Variants in XPOT observed in about 807,000 individuals in gnomAD.
The protein encoded by XPOT is exportin-T.
In XPOT, 34 loss-of-function variants were observed where a neutral mutation model predicts 128.2. That is an observed-to-expected ratio of 0.27 (90% CI 0.20 to 0.35). XPOT has a LOEUF of 0.35. XPOT is among the 10% of genes least tolerant of loss of function. XPOT has a pLI of 1.00. For synonymous variants in XPOT, 348 were observed against 394.3 expected (o/e 0.88, Z 1.39); for missense variants, 838 against 1,125.3 (o/e 0.74, Z 3.65).
intron 12 of XPOT, 67 bp from the exon 13 acceptor site, chr12:64,424,971 C>T: frequency 1.3e-6 from 2 of 1,584,704 alleles, no homozygotes; most frequent in Non-Finnish European, 1.7e-6. Flanking sequence ...TGGTGTCTTA[C>T]CCTGTGCATA....
chr12:64,426,037 G>A (rs1475585996), intron 15 of XPOT, 128 bp downstream of exon 15: 12 of 830,818 alleles, frequency 1.4e-5, no homozygotes, highest in Non-Finnish European at 1.9e-5. Context: ...GAAAATGTAG[G>A]CCAGGTATGG....
At chr12:64,446,182 CCTCA>C (rs1460511525) in intron 24 of XPOT, among the ~76,000 whole-genome samples, 1 of 152,176 alleles carries the variant, frequency 6.6e-6, no homozygotes, top group Non-Finnish European at 1.5e-5. Flanking sequence ...AGGACTCAGT[CCTCA>C]CTATCTGTTA....
chr12:64,422,661 G>GT (rs1311936049), intron 9 of XPOT, among the ~76,000 whole-genome samples: 1 of 152,202 alleles, frequency 6.6e-6, no homozygotes. Context: ...CACTTGGTAA[G>GT]GCTGAGGCGG....
chr12:64,422,943 A>AT (rs2136021538), intron 9 of XPOT, 62 bp from the exon 10 acceptor site: 17 of 1,519,998 alleles, frequency 1.1e-5, no homozygotes, highest in Non-Finnish European at 1.5e-5. Context: ...GATTCGAAAA[A>AT]TGTTCTGATA....
In XPOT at chr12:64,420,135, A is replaced by C; in HGVS notation, c.555A>C (p.Glu185Asp). ...MREQCIPNLV[E>D]SWYQILQNYQ... ...AACAGTGCATTCCAAATCTGGTGGA[A>C]TCATGGTACCAAATATTACAAAATT... Residue 185 changes from glutamate to aspartate, a missense_variant, in exon 7 of 25, where the codon GAA becomes GAC. Around this residue, in one of 3 missense-constraint regions of XPOT, gnomAD observed 761 missense variants for 988.3 expected, o/e 0.77. Coordinates refer to ENST00000332707, the MANE Select transcript of XPOT (RefSeq NM_007235.6). 1 of 1,610,976 alleles carries C rather than the reference A, an allele frequency of 6.2e-7. No homozygotes were observed. Among genetic ancestry groups the C allele is most frequent in the Non-Finnish European group, 8.5e-7 (1 of 1,178,948 alleles).
chr12:64,443,837 C>T (rs2040346619), intron 23 of XPOT, among the ~76,000 whole-genome samples: 1 of 152,076 alleles, frequency 6.6e-6, no homozygotes, highest in Non-Finnish European at 1.5e-5. Context: ...ATGAATTTAA[C>T]TCATTTTTAA....
chr12:64,417,054 A>G (rs913728815), intron 4 of XPOT, among the ~76,000 whole-genome samples: 6 of 152,020 alleles, frequency 3.9e-5, no homozygotes, highest in African/African-American at 1.2e-4. Flanking sequence ...CCGTCTCTAC[A>G]AAAAATACAG....
At chr12:64,422,487 A>G (rs1214798963) in intron 9 of XPOT, among the ~76,000 whole-genome samples, 2 of 152,284 alleles carry the variant, frequency 1.3e-5, no homozygotes, top group East Asian at 3.9e-4. Flanking sequence ...CTTTGTCTAC[A>G]TGTCAAGTTA....
chr12:64,411,239 G>T (rs991086472), intron 2 of XPOT, among the ~76,000 whole-genome samples: 3 of 152,202 alleles, frequency 2.0e-5, no homozygotes, highest in African/African-American at 7.2e-5. Context: ...AGGGTTTTAT[G>T]CTACCTACCT....
intron 1 of XPOT, among the ~76,000 whole-genome samples, chr12:64,406,633 T>C (rs999217657): frequency 3.4e-4 from 50 of 148,598 alleles, no homozygotes; most frequent in African/African-American, 1.2e-3. Flanking sequence ...CCCTCGGCCT[T>C]CCTTAGTGCT....
rs1592334041 is a variant in XPOT at position 64,427,957 on chromosome 12, C to A, written c.1668-94C>A. 3.5e-6 allele frequency: 3 copies of A among 854,088 alleles called. No homozygotes were observed. In the East Asian group the frequency reaches 7.9e-5, roughly 23 times the overall value. The allele number at this position is 854,088 out of a possible 1,614,324, so 52.9% of individuals were successfully genotyped here. ...CAGAAGTGACTAGCCTACAACTGAA[C>A]TTTTTTTTAGTTCTGTCTTAAAGGG... On this transcript the variant is annotated intron_variant, in intron 15 of 24. Transcript: ENST00000332707.
intron 6 of XPOT, 48 bp from the exon 7 acceptor site, chr12:64,420,022 A>G (rs1459397317): frequency 6.7e-7 from 1 of 1,501,432 alleles, no homozygotes; most frequent in African/African-American, 1.4e-5. Context: ...GATATCAAAC[A>G]TGATTTTGTA....
intron 23 of XPOT, chr12:64,443,237 T>C (rs971564512): frequency 2.0e-5 from 3 of 152,260 alleles, no homozygotes; most frequent in Non-Finnish European, 2.9e-5. Context: ...TATAATTCAC[T>C]CTTATGACCT....
At chr12:64,428,193 G>T (rs2040208952) in intron 16 of XPOT, 73 bp downstream of exon 16, 1 of 1,074,128 alleles carries the variant, frequency 9.3e-7, no homozygotes, top group East Asian at 2.5e-5. Context: ...CCTTGCCTTT[G>T]TTGGCATTTA....
At chr12:64,417,725 T>G (rs2040101087) in intron 4 of XPOT, among the ~76,000 whole-genome samples, 1 of 152,202 alleles carries the variant, frequency 6.6e-6, no homozygotes, top group African/African-American at 2.4e-5. Flanking sequence ...AACAAATCAC[T>G]ACTGAGAGGA....
At chr12:64,424,889 C>A in intron 12 of XPOT, 149 bp from the exon 13 acceptor site, 1 of 1,313,506 alleles carries the variant, frequency 7.6e-7, no homozygotes, top group Non-Finnish European at 1.0e-6. Context: ...TTGATCCTTT[C>A]TACCTTTGTG....
intron 23 of XPOT, among the ~76,000 whole-genome samples, chr12:64,442,269 G>C (rs1222203815): frequency 6.6e-6 from 1 of 152,072 alleles, no homozygotes; most frequent in Admixed American, 6.5e-5. Flanking sequence ...CTCCCAAGTA[G>C]TTAGGATTAC....
intron 2 of XPOT, among the ~76,000 whole-genome samples, chr12:64,413,999 T>G (rs978725410): frequency 3.0e-4 from 46 of 152,254 alleles, no homozygotes; most frequent in African/African-American, 9.9e-4. Flanking sequence ...AGCTTTTGTT[T>G]CATACATAAT....
At position 64,434,630 on chromosome 12, in the gene XPOT, T is replaced by C; in HGVS notation, c.2569+7T>C. ...AAGTTGGTAGAACTCTGGGGTAAGA[T>C]AATTTTATTTCTTAACCTTCATTTC... is the stretch of plus-strand genomic sequence containing the variant. On this transcript the variant is annotated splice_region_variant and intron_variant, in intron 20 of 24. Coordinates refer to ENST00000332707, the MANE Select transcript of XPOT (RefSeq NM_007235.6). 1 of 1,603,484 alleles carries C rather than the reference T, an allele frequency of 6.2e-7. No individual in the cohort carries two copies. Among genetic ancestry groups the C allele is most frequent in the South Asian group, 1.1e-5 (1 of 90,798 alleles).
Sources: allele counts gnomAD v4.1 joint callset (sites outside exome capture counted in the v4.1 genomes callset), GRCh38; gene constraint gnomAD v4.1.1; regional missense constraint gnomAD v4.1.1; transcripts MANE v1.5; gene names NCBI Gene and HGNC (gene_info 2026-07-23, HGNC 2026-07-21).